Variants in FGD5 observed in about 807,000 individuals in gnomAD.
FGD5 encodes FYVE, RhoGEF and PH domain-containing protein 5.
FGD5 carries 28 observed loss-of-function variants against 133.4 expected under a neutral mutation model. That is an observed-to-expected ratio of 0.21 (90% confidence interval 0.16 to 0.29). The LOEUF is 0.29. Among genes scored for constraint, FGD5 ranks in the 10% least tolerant of loss-of-function variants. FGD5 has a pLI of 1.00. For synonymous variants in FGD5, 810 were observed against 776.5 expected (o/e 1.04, Z -0.72); for missense variants, 1,858 against 1,895.2 (o/e 0.98, Z 0.36).
At chr3:14,829,916 T>C (rs74662102) in intron 1 of FGD5, among the ~76,000 whole-genome samples, 2 of 152,208 alleles carry the variant, frequency 1.3e-5, no homozygotes, top group Non-Finnish European at 2.9e-5. Flanking sequence ...GTATTTTTTT[T>C]ACTACCGTAG....
intron 1 of FGD5, among the ~76,000 whole-genome samples, chr3:14,827,295 T>C (rs1461133761): frequency 2.0e-5 from 3 of 148,152 alleles, no homozygotes; most frequent in Non-Finnish European, 3.0e-5. Context: ...TTTTTTTTTT[T>C]TTTTTTTTTT....
intron 4 of FGD5, among the ~76,000 whole-genome samples, chr3:14,893,062 C>T (rs1559496155): frequency 6.6e-6 from 1 of 152,190 alleles, no homozygotes; most frequent in South Asian, 2.1e-4. Context: ...CCTGCCCCCA[C>T]CCAAGCCGTG....
At chr3:14,813,950 A>G (rs1183358982) in intron 1 of FGD5, among the ~76,000 whole-genome samples, 1 of 152,218 alleles carries the variant, frequency 6.6e-6, no homozygotes, top group Non-Finnish European at 1.5e-5. Context: ...GATTTCTATC[A>G]CTAGAAGCTG....
At chr3:14,848,169 G>A (rs1331554035) in intron 1 of FGD5, among the ~76,000 whole-genome samples, 2 of 152,190 alleles carry the variant, frequency 1.3e-5, no homozygotes, top group African/African-American at 4.8e-5. Flanking sequence ...CTGAAGACAT[G>A]TGGGGCTGAG....
chr3:14,893,874 C>A (rs1468456058), intron 4 of FGD5, among the ~76,000 whole-genome samples: 1 of 150,886 alleles, frequency 6.6e-6, no homozygotes, highest in Non-Finnish European at 1.5e-5. Flanking sequence ...TCTCCTGCCT[C>A]AGCCTCTTGA....
In FGD5 at chr3:14,847,156, C is replaced by T. The variant is rs138668381; in HGVS notation, c.2526-16972C>T. Among the ~76,000 whole-genome samples the T allele has an allele frequency of 1.7e-3, 265 of 152,242 alleles. 1 individual carries two copies. The highest frequency in any genetic ancestry group is 6.0e-3 in the African/African-American group (250 of 41,540). ...GATAAAGACTTTCAGGGCTTATCCT[C>T]GAAGATGAGTTTTTGTGACAATTTG... On this transcript the variant is annotated intron_variant, in intron 1 of 19. Transcript: ENST00000285046.
intron 4 of FGD5, among the ~76,000 whole-genome samples, chr3:14,890,923 G>A (rs1432764639): frequency 6.6e-6 from 1 of 152,282 alleles, no homozygotes; most frequent in East Asian, 1.9e-4. Context: ...TTGTGGTACT[G>A]TTATCCCCAT....
At chr3:14,815,306 A>G (rs115511492), upstream of FGD5, among the ~76,000 whole-genome samples, 4,843 of 151,526 alleles carry the variant, frequency 0.032, 131 homozygotes, top group Admixed American at 0.061. Context: ...CTTTGCTCAC[A>G]TGTCCTCTCA....
At chr3:14,829,881 TAA>T (rs2036673295) in intron 1 of FGD5, among the ~76,000 whole-genome samples, 1 of 152,214 alleles carries the variant, frequency 6.6e-6, no homozygotes, top group African/African-American at 2.4e-5. Flanking sequence ...AGTGATTCTC[TAA>T]GAGAGTGAAA....
intron 1 of FGD5, among the ~76,000 whole-genome samples, chr3:14,853,874 T>G (rs953583618): frequency 1.4e-5 from 2 of 143,386 alleles, no homozygotes; most frequent in African/African-American, 2.6e-5. Context: ...GGAAGGACAT[T>G]TGGAAGGTCG....
intron 16 of FGD5, chr3:14,923,420 G>T: frequency 1.9e-6 from 1 of 539,602 alleles, no homozygotes; most frequent in South Asian, 2.2e-5. Flanking sequence ...CAGTGTGTGT[G>T]TAAGGGGACA....
chr3:14,865,163 G>A (rs1289229691), intron 2 of FGD5, among the ~76,000 whole-genome samples: 1 of 138,216 alleles, frequency 7.2e-6, no homozygotes, highest in Non-Finnish European at 1.5e-5. Flanking sequence ...AGAGGTGACT[G>A]GAGAGGCAAA....
intron 2 of FGD5, among the ~76,000 whole-genome samples, chr3:14,866,520 TCAG>T (rs1007545592): frequency 6.6e-6 from 1 of 152,120 alleles, no homozygotes; most frequent in African/African-American, 2.4e-5. Context: ...AAGTTCAGAC[TCAG>T]CTTTGTCCCT....
Position 14,873,153 on chromosome 3 carries a change from AT to A in FGD5, c.2659-7418del, listed in dbSNP as rs535691364. ...TAAACTGAAAGAGGGAAGGAGTGTA[AT>A]GATGTGTGTCCAACCTCCCATCACA... On this transcript the variant is annotated intron_variant, in intron 2 of 19. Transcript: ENST00000285046. 1.4e-4 allele frequency among the ~76,000 whole-genome samples: 22 copies of A among 152,266 alleles called. No individual in the cohort carries two copies. The East Asian group carries it at 4.1e-3, about 28-fold the overall frequency.
chr3:14,843,533 C>A (rs1306388702), intron 1 of FGD5, among the ~76,000 whole-genome samples: 1 of 152,134 alleles, frequency 6.6e-6, no homozygotes, highest in Non-Finnish European at 1.5e-5. Context: ...TGCCAGGTAG[C>A]CCTGCTTGGT....
chr3:14,890,422 G>A (rs764740069), intron 4 of FGD5, among the ~76,000 whole-genome samples: 3 of 152,172 alleles, frequency 2.0e-5, no homozygotes, highest in Non-Finnish European at 4.4e-5. Flanking sequence ...TCCGGGCTTG[G>A]TGCAGAGCAG....
rs2036504850 is a variant in FGD5 at position 14,821,591 on chromosome 3, A to T, written c.2520A>T (p.Ala840=). 3 of 1,588,384 alleles carry T rather than the reference A, an allele frequency of 1.9e-6. No homozygotes were observed. Among genetic ancestry groups the T allele is most frequent in the Non-Finnish European group, 2.6e-6 (3 of 1,165,066 alleles). Reference sequence around the variant, plus strand: ...AACAGCAGAGTGCAGACCAGGACGCAGAAAGGTACCTGACATTCTATTTCC... The same window carrying T: ...AACAGCAGAGTGCAGACCAGGACGCTGAAAGGTACCTGACATTCTATTTCC... The part of the protein sequence containing the change: ...ESKQQSADQD[A]ESAYTEPYKV... The change falls in exon 1 of 20, where the codon GCA becomes GCT. Residue 840 remains alanine, a synonymous_variant. Coordinates refer to ENST00000285046, the MANE Select transcript of FGD5 (RefSeq NM_152536.4).
chr3:14,910,880 C>T lies in FGD5; in HGVS notation c.3356C>T (p.Thr1119Met), dbSNP rs750062144. Residue 1119 changes from threonine to methionine, a missense_variant, in exon 11 of 20, where the codon ACG becomes ATG. By Grantham distance (81) the Thr-to-Met change is moderately conservative (BLOSUM62 -1). This residue lies in a region of FGD5 where 1,824 missense variants were observed against 1,848.9 expected (regional missense o/e 0.99). Transcript: ENST00000285046. ...CCACAGGAGTTTCTGAAGGAAGGGA[C>T]GCTGATGAAAGTAACAGGGAAAAAC... Reference protein sequence around the residue: ...QPGREFLKEGTLMKVTGKNRR... With the variant: ...QPGREFLKEGMLMKVTGKNRR... 2 of 1,613,288 alleles carry T rather than the reference C, an allele frequency of 1.2e-6. No homozygotes were observed. The highest frequency in any genetic ancestry group is 1.7e-6 in the Non-Finnish European group (2 of 1,179,646).
chr3:14,887,990 AC>A (rs1359162266), intron 4 of FGD5, among the ~76,000 whole-genome samples: 1 of 141,000 alleles, frequency 7.1e-6, no homozygotes. Flanking sequence ...ACATAGTGAG[AC>A]CCCATCACTA....
Sources: gnomAD v4.1 joint callset for allele counts (sites outside exome capture counted in the v4.1 genomes callset) on GRCh38, gnomAD v4.1.1 for gene constraint, gnomAD v4.1.1 regional missense constraint, MANE v1.5 for transcripts, NCBI Gene and HGNC (gene_info 2026-07-23, HGNC 2026-07-21) for gene names.